Variants in TSHZ2 observed in about 807,000 individuals in gnomAD.
TSHZ2 encodes the protein teashirt zinc finger homeobox 2.
In TSHZ2, 21 loss-of-function variants were observed where a neutral mutation model predicts 74.4. The observed-to-expected ratio is 0.28, with a 90% CI of 0.20 to 0.41. The LOEUF (loss-of-function observed/expected upper bound fraction) is 0.41, where lower values mean the gene tolerates loss of function less well. Ranked by LOEUF, TSHZ2 falls within the 10% of genes least tolerant of loss-of-function variation. The pLI, the probability that TSHZ2 is intolerant of heterozygous loss-of-function variation, is 1.00. For missense variants in TSHZ2, 1,244 were observed against 1,293.5 expected, an observed-to-expected ratio of 0.96 and a Z score of 0.59; for synonymous variants, 540 against 515.3, an observed-to-expected ratio of 1.05 and a Z score of -0.65.
chr20:53,458,044 G>T (rs1455619814), intron 2 of TSHZ2, among the ~76,000 whole-genome samples: 1 of 152,074 alleles, frequency 6.6e-6, no homozygotes, highest in Non-Finnish European at 1.5e-5. Flanking sequence ...TCTCTGCCCG[G>T]CTTTGGTATC....
intron 1 of TSHZ2, among the ~76,000 whole-genome samples, chr20:52,979,031 C>T (rs553429343): frequency 6.6e-6 from 1 of 152,180 alleles, no homozygotes; most frequent in South Asian, 2.1e-4. Context: ...CTTTGGCAAG[C>T]AGCTCTTCGA....
chr20:53,350,401 A>G (rs1788128482), intron 2 of TSHZ2, among the ~76,000 whole-genome samples: 1 of 152,214 alleles, frequency 6.6e-6, no homozygotes, highest in South Asian at 2.1e-4. Flanking sequence ...AGGACGGTGA[A>G]GTCTCCTGTA....
In TSHZ2 at chr20:53,020,017, C is replaced by T. The variant is rs182591901; in HGVS notation, c.40+46684C>T. Among the ~76,000 whole-genome samples the T allele has an allele frequency of 2.0e-5, 3 of 152,244 alleles. No individual in the cohort carries two copies. In the East Asian group the frequency reaches 5.8e-4, roughly 29 times the overall value. ...AAGATGCAGGGGAAGCAAGGCACGT[C>T]CTACATGGTGGCAGGAGAAGAGAGT... On this transcript the variant is annotated intron_variant, in intron 1 of 2. Coordinates refer to ENST00000371497, the MANE Select transcript of TSHZ2 (RefSeq NM_173485.6).
chr20:53,179,745 G>A (rs2123506635), intron 1 of TSHZ2, among the ~76,000 whole-genome samples: 2 of 152,224 alleles, frequency 1.3e-5, no homozygotes, highest in East Asian at 3.9e-4. Context: ...TAGAGCCTTT[G>A]GCATACCCAC....
intron 2 of TSHZ2, among the ~76,000 whole-genome samples, chr20:53,384,757 GT>G (rs1005287917): frequency 6.6e-6 from 1 of 152,176 alleles, no homozygotes; most frequent in African/African-American, 2.4e-5. Context: ...ATCCTCAGTG[GT>G]TTTTTTAGAC....
intron 2 of TSHZ2, among the ~76,000 whole-genome samples, chr20:53,458,824 A>C (rs976203713): frequency 2.0e-5 from 3 of 151,934 alleles, no homozygotes; most frequent in Non-Finnish European, 4.4e-5. Context: ...TTATGTACCC[A>C]GTAGTCATTC....
chr20:53,457,164 A>G (rs1427968662), intron 2 of TSHZ2, among the ~76,000 whole-genome samples: 1 of 139,422 alleles, frequency 7.2e-6, no homozygotes, highest in African/African-American at 2.8e-5. Flanking sequence ...GGCCATTTTC[A>G]CGATATTGAT....
At chr20:53,266,919 G>A (rs985334446) in intron 2 of TSHZ2, among the ~76,000 whole-genome samples, 2 of 151,620 alleles carry the variant, frequency 1.3e-5, no homozygotes, top group Non-Finnish European at 2.9e-5. Flanking sequence ...CTGAGCTTAC[G>A]GGTGCCACCA....
chr20:52,995,592 GTTAT>G (rs900764555), intron 1 of TSHZ2, among the ~76,000 whole-genome samples: 5 of 149,170 alleles, frequency 3.4e-5, no homozygotes, highest in South Asian at 2.2e-4. Context: ...TCCAATCTAG[GTTAT>G]TTATTTTTTC....
At chr20:53,389,104 C>T (rs1374245378) in intron 2 of TSHZ2, among the ~76,000 whole-genome samples, 2 of 152,160 alleles carry the variant, frequency 1.3e-5, no homozygotes, top group African/African-American at 4.8e-5. Flanking sequence ...TGACCTTTTC[C>T]TCATCAGTTA....
rs149073661 is a variant in TSHZ2 at position 53,264,282 on chromosome 20, T to TGCAGGTA, written c.*8+7729_*8+7735dup. Among the ~76,000 whole-genome samples, 1,011 of 152,286 alleles carry TGCAGGTA rather than the reference T, an allele frequency of 6.6e-3. 27 individuals are homozygous for TGCAGGTA. The highest frequency in any genetic ancestry group is 0.062 in the East Asian group (321 of 5,160). ...TGAGGCTCAGAGAAGGCATTTCAGG[T>TGCAGGTA]GCAGGTAGCAGGTAGCAGGTAGCAC... On this transcript the variant is annotated intron_variant, in intron 2 of 2. Transcript: ENST00000371497.
intron 1 of TSHZ2, among the ~76,000 whole-genome samples, chr20:53,183,588 C>A (rs540246928): frequency 1.2e-4 from 18 of 152,148 alleles, no homozygotes; most frequent in Admixed American, 9.8e-4. Flanking sequence ...CATACACAAC[C>A]ACACACACAC....
chr20:53,431,518 T>C (rs1043791445), intron 2 of TSHZ2, among the ~76,000 whole-genome samples: 2 of 151,938 alleles, frequency 1.3e-5, no homozygotes, highest in African/African-American at 4.8e-5. Context: ...ACCTGCCACC[T>C]AGTAATAATA....
chr20:53,044,439 T>C (rs1460391642), intron 1 of TSHZ2, among the ~76,000 whole-genome samples: 1 of 152,174 alleles, frequency 6.6e-6, no homozygotes, highest in Non-Finnish European at 1.5e-5. Flanking sequence ...AAGTTTCTAA[T>C]GAGGAGGAAA....
intron 2 of TSHZ2, among the ~76,000 whole-genome samples, chr20:53,439,816 T>C (rs1006801343): frequency 5.3e-5 from 8 of 152,210 alleles, no homozygotes; most frequent in African/African-American, 1.9e-4. Flanking sequence ...TGTAAGTCTA[T>C]AAAACAGTTT....
At chr20:53,117,078 T>C (rs1054108515) in intron 1 of TSHZ2, among the ~76,000 whole-genome samples, 2 of 152,156 alleles carry the variant, frequency 1.3e-5, no homozygotes, top group African/African-American at 2.4e-5. Flanking sequence ...CGTTCTCTCA[T>C]GCCTCTTCTT....
intron 1 of TSHZ2, among the ~76,000 whole-genome samples, chr20:53,015,929 G>T (rs1449100651): frequency 1.3e-5 from 2 of 152,128 alleles, no homozygotes; most frequent in Non-Finnish European, 2.9e-5. Flanking sequence ...AAGAGGCTGT[G>T]CCAGAAAGGG....
intron 1 of TSHZ2, among the ~76,000 whole-genome samples, chr20:53,153,617 G>T (rs1017791901): frequency 6.6e-6 from 1 of 152,166 alleles, no homozygotes; most frequent in Non-Finnish European, 1.5e-5. Context: ...AGACCAGTTT[G>T]TTGAGGTCCC....
intron 1 of TSHZ2, among the ~76,000 whole-genome samples, chr20:53,226,605 A>G (rs905097851): frequency 6.6e-6 from 1 of 152,186 alleles, no homozygotes; most frequent in African/African-American, 2.4e-5. Context: ...TTAGGATACC[A>G]TATTAACAAG....
Sources: gnomAD v4.1 joint callset for allele counts (sites outside exome capture counted in the v4.1 genomes callset) on GRCh38, gnomAD v4.1.1 for gene constraint, MANE v1.5 for transcripts, NCBI Gene and HGNC (gene_info 2026-07-23, HGNC 2026-07-21) for gene names.